Variants in PLXNA4 observed in about 807,000 individuals in gnomAD.
PLXNA4 encodes plexin-A4.
In PLXNA4, 44 loss-of-function variants were observed where a neutral mutation model predicts 191.8. The ratio of observed to expected loss-of-function variants is 0.23; its 90% CI spans 0.18 to 0.29. The LOEUF is 0.29. Among genes scored for constraint, PLXNA4 ranks in the 10% least tolerant of loss-of-function variants. The pLI is 1.00. For synonymous variants in PLXNA4, 1,082 were observed against 1,009.5 expected, an observed-to-expected ratio of 1.07 and a Z score of -1.36; for missense variants, 1,800 against 2,488.8, an observed-to-expected ratio of 0.72 and a Z score of 5.89.
At chr7:132,494,701 G>A (rs554805914) in intron 2 of PLXNA4, among the ~76,000 whole-genome samples, 22 of 152,270 alleles carry the variant, frequency 1.4e-4, no homozygotes, top group Middle Eastern at 6.8e-3. Context: ...ATTACGTGTC[G>A]CCACATACAA....
chr7:132,430,212 T>C (rs1372897276), intron 3 of PLXNA4, among the ~76,000 whole-genome samples: 1 of 152,152 alleles, frequency 6.6e-6, no homozygotes, highest in Non-Finnish European at 1.5e-5. Context: ...TATTCTGGCA[T>C]CATGCCAGAG....
intron 3 of PLXNA4, among the ~76,000 whole-genome samples, chr7:132,396,399 G>C (rs147760798): frequency 1.1e-3 from 167 of 152,300 alleles, no homozygotes; most frequent in African/African-American, 3.9e-3. Flanking sequence ...ACACTTGATA[G>C]ATAAGGAAGC....
chr7:132,289,826 C>A (rs1800819605), intron 4 of PLXNA4, among the ~76,000 whole-genome samples: 1 of 149,780 alleles, frequency 6.7e-6, no homozygotes, highest in Admixed American at 6.6e-5. Flanking sequence ...AGCCACAGTG[C>A]CCAGCTAATT....
rs563642411 is a variant in PLXNA4, at chr7:132,411,523, G to A, written c.1371+77769C>T. Reference sequence around the variant, plus strand: ...AATGGGCTGTCATTGCCATTGTTACGATTGTGGCTGTTTTTGGAAACCTGG... The same window carrying A: ...AATGGGCTGTCATTGCCATTGTTACAATTGTGGCTGTTTTTGGAAACCTGG... On this transcript the variant is annotated intron_variant, in intron 3 of 31. Transcript: ENST00000321063. 1.2e-4 allele frequency among the ~76,000 whole-genome samples: 18 copies of A among 152,280 alleles called. No individual in the cohort carries two copies. The East Asian group carries it at 1.5e-3, about 13-fold the overall frequency.
At chr7:132,403,421 C>T (rs770929772) in intron 3 of PLXNA4, among the ~76,000 whole-genome samples, 1 of 152,182 alleles carries the variant, frequency 6.6e-6, no homozygotes, top group Non-Finnish European at 1.5e-5. Context: ...GAGCCTAAAA[C>T]CAGGCAGGCA....
chr7:132,404,055 G>T (rs1261538254), intron 3 of PLXNA4, among the ~76,000 whole-genome samples: 1 of 152,166 alleles, frequency 6.6e-6, no homozygotes, highest in South Asian at 2.1e-4. Flanking sequence ...TGGGCCAGGA[G>T]ACAAGGCTTT....
intron 25 of PLXNA4, among the ~76,000 whole-genome samples, chr7:132,151,307 GAAGA>G (rs1562884860): frequency 0.046 from 2,415 of 52,098 alleles, 90 homozygotes; most frequent in Non-Finnish European, 0.09. Flanking sequence ...GAAGGAGGAG[GAAGA>G]AGGAGGAGGA....
At chr7:132,494,367 C>A (rs1316842830) in intron 2 of PLXNA4, among the ~76,000 whole-genome samples, 1 of 152,192 alleles carries the variant, frequency 6.6e-6, no homozygotes, top group Non-Finnish European at 1.5e-5. Context: ...TGGGTGGGGG[C>A]TCAGACATCT....
At chr7:132,603,358 C>T (rs1802857321) in intron 2 of PLXNA4, among the ~76,000 whole-genome samples, 1 of 152,152 alleles carries the variant, frequency 6.6e-6, no homozygotes, top group Admixed American at 6.5e-5. Context: ...CACCAGAATC[C>T]CTTGTCAGGA....
At chr7:132,328,763 T>C (rs1054925598) in intron 3 of PLXNA4, among the ~76,000 whole-genome samples, 6 of 152,140 alleles carry the variant, frequency 3.9e-5, no homozygotes, top group Admixed American at 3.9e-4. Flanking sequence ...CTATGCACAC[T>C]CCAGGAGTCC....
chr7:132,379,034 G>A (rs962483539), intron 3 of PLXNA4, among the ~76,000 whole-genome samples: 5 of 151,886 alleles, frequency 3.3e-5, no homozygotes, highest in African/African-American at 1.2e-4. Flanking sequence ...TATTTTTTAT[G>A]GAGATGGGGT....
chr7:132,489,451 G>A lies in PLXNA4; in HGVS notation c.1212C>T (p.Phe404=), dbSNP rs1441369563. The part of the protein sequence containing the change: ...SSALLTIDDN[F]CGLDMNAPLG... ...GGGGAGCATTCATGTCCAGGCCACA[G>A]AAGTTATCGTCAATGGTTAAGAGCT... Residue 404 remains phenylalanine, a synonymous_variant, in exon 3 of 32, where the codon TTC becomes TTT. Transcript: ENST00000321063. 6.3e-7 allele frequency: 1 copy of A among 1,575,826 alleles called. No individual in the cohort carries two copies. Among genetic ancestry groups the A allele is most frequent in the African/African-American group, 1.3e-5 (1 of 74,472 alleles).
chr7:132,640,721 C>T (rs1302317832), intron 2 of PLXNA4, among the ~76,000 whole-genome samples: 1 of 150,754 alleles, frequency 6.6e-6, no homozygotes, highest in South Asian at 2.1e-4. Context: ...CACCATGTTT[C>T]ATCAAATCCA....
intron 1 of PLXNA4, among the ~76,000 whole-genome samples, chr7:132,520,547 AT>A (rs1277587055): frequency 2.6e-5 from 4 of 152,202 alleles, no homozygotes; most frequent in Non-Finnish European, 5.9e-5. Flanking sequence ...CATTTCCTAC[AT>A]GTAGCAAGTA....
intron 1 of PLXNA4, among the ~76,000 whole-genome samples, chr7:132,545,498 A>G (rs1800261755): frequency 6.6e-6 from 1 of 152,248 alleles, no homozygotes; most frequent in African/African-American, 2.4e-5. Flanking sequence ...AAAACAAGCC[A>G]GGCATCACTT....
At chr7:132,354,223 G>A (rs1803609503) in intron 3 of PLXNA4, among the ~76,000 whole-genome samples, 1 of 152,168 alleles carries the variant, frequency 6.6e-6, no homozygotes, top group African/African-American at 2.4e-5. Context: ...TGCACACTGA[G>A]CCTGTGCATA....
intron 1 of PLXNA4, among the ~76,000 whole-genome samples, chr7:132,543,807 C>G (rs4731878): frequency 6.6e-6 from 1 of 152,078 alleles, no homozygotes; most frequent in Non-Finnish European, 1.5e-5. Context: ...TGGACACTTA[C>G]GTGCCAAACT....
chr7:132,302,288 G>T (rs1179545516), intron 3 of PLXNA4, among the ~76,000 whole-genome samples: 2 of 152,040 alleles, frequency 1.3e-5, no homozygotes, highest in Non-Finnish European at 2.9e-5. Context: ...CAATAACAAA[G>T]GTGAACTACA....
Position 132,404,329 on chromosome 7 carries a change from C to A in PLXNA4, c.1371+84963G>T, listed in dbSNP as rs145642677. On this transcript the variant is annotated intron_variant, in intron 3 of 31. Coordinates refer to ENST00000321063, the MANE Select transcript of PLXNA4 (RefSeq NM_020911.2). ...TTCCTAGACTATGGGGGACTCCCCC[C>A]AGTGACTTCATCACTCAAACCACAA... is the stretch of plus-strand genomic sequence containing the variant. Among the ~76,000 whole-genome samples, 619 of 152,364 alleles carry A rather than the reference C, an allele frequency of 4.1e-3. 1 individual carries two copies. The highest frequency in any genetic ancestry group is 6.9e-3 in the Non-Finnish European group (468 of 68,026).
Sources: gnomAD v4.1 joint callset for allele counts (sites outside exome capture counted in the v4.1 genomes callset) on GRCh38, gnomAD v4.1.1 for gene constraint, MANE v1.5 for transcripts, NCBI Gene and HGNC (gene_info 2026-07-23, HGNC 2026-07-21) for gene names.